The following GYS2 variants were observed in gnomAD, a reference collection of about 807,000 sequenced individuals.
GYS2 encodes the protein glycogen [starch] synthase, liver.
In GYS2, 80 loss-of-function variants were observed where a neutral mutation model predicts 85.6. The observed-to-expected ratio is 0.93, with a 90% confidence interval of 0.78 to 1.13. GYS2 has a LOEUF of 1.13. Among genes scored for constraint, GYS2 ranks in the 50% most tolerant of loss-of-function variants. The pLI is 0.00. For missense variants in GYS2, 881 were observed against 854.9 expected (o/e 1.03, Z -0.38); for synonymous variants, 328 against 300.7 (o/e 1.09, Z -0.94).
chr12:21,548,568 T>C (rs1944069448), intron 11 of GYS2, among the ~76,000 whole-genome samples: 1 of 152,196 alleles, frequency 6.6e-6, no homozygotes. Flanking sequence ...GCAATAGCTG[T>C]ATTTAAAACT....
intron 11 of GYS2, among the ~76,000 whole-genome samples, chr12:21,551,372 A>G (rs1208681437): frequency 6.6e-6 from 1 of 152,110 alleles, no homozygotes; most frequent in Non-Finnish European, 1.5e-5. Context: ...AACATTTTAT[A>G]TACTATAAAT....
intron 1 of GYS2, among the ~76,000 whole-genome samples, chr12:21,599,173 T>A (rs1321174151): frequency 6.6e-6 from 1 of 152,114 alleles, no homozygotes; most frequent in East Asian, 1.9e-4. Flanking sequence ...TTCACTATTT[T>A]GTATATGCTT....
chr12:21,549,889 A>G (rs1944086112), intron 11 of GYS2, among the ~76,000 whole-genome samples: 1 of 152,126 alleles, frequency 6.6e-6, no homozygotes. Flanking sequence ...CTTTGTTATT[A>G]ACAAGTATTG....
At chr12:21,568,451 T>G (rs1944348427) in intron 5 of GYS2, among the ~76,000 whole-genome samples, 1 of 152,152 alleles carries the variant, frequency 6.6e-6, no homozygotes, top group African/African-American at 2.4e-5. Context: ...ATAAGTAATA[T>G]AAAACGTTTC....
intron 11 of GYS2, among the ~76,000 whole-genome samples, chr12:21,554,259 G>A (rs1237052720): frequency 6.6e-6 from 1 of 151,968 alleles, no homozygotes; most frequent in Non-Finnish European, 1.5e-5. Context: ...AGGGAAGGAG[G>A]GAGGGAGGGA....
intron 11 of GYS2, among the ~76,000 whole-genome samples, chr12:21,552,922 C>T (rs754628072): frequency 2.0e-5 from 3 of 152,220 alleles, no homozygotes; most frequent in Non-Finnish European, 4.4e-5. Context: ...TCACCTCTCA[C>T]CAAACCCTAT....
At chr12:21,550,488 G>A (rs1166216960) in intron 11 of GYS2, among the ~76,000 whole-genome samples, 3 of 152,094 alleles carry the variant, frequency 2.0e-5, no homozygotes, top group Admixed American at 6.5e-5. Flanking sequence ...GCTTTAGGCT[G>A]CTCCTCTTTG....
At chr12:21,586,683 G>A (rs1274626867) in intron 1 of GYS2, among the ~76,000 whole-genome samples, 4 of 152,252 alleles carry the variant, frequency 2.6e-5, no homozygotes, top group Non-Finnish European at 4.4e-5. Flanking sequence ...GCAGATGTTG[G>A]TGAGGATGTG....
chr12:21,580,288 CT>C, intron 2 of GYS2, 53 bp downstream of exon 2: 3 of 1,467,554 alleles, frequency 2.0e-6, no homozygotes, highest in African/African-American at 1.4e-5. Flanking sequence ...TAGTTACAGT[CT>C]TTTTTCCCAT....
intron 7 of GYS2, among the ~76,000 whole-genome samples, 176 bp from the exon 8 acceptor site, chr12:21,560,668 A>G (rs1200708290): frequency 2.0e-5 from 3 of 152,236 alleles, no homozygotes; most frequent in Non-Finnish European, 4.4e-5. Flanking sequence ...AGAAATTTTA[A>G]TTAAAATCAA....
rs746442559 is a variant in GYS2, at chr12:21,546,444, G to C, written c.1449C>G (p.Ser483=). 4 of 1,598,424 alleles carry C rather than the reference G, an allele frequency of 2.5e-6. No homozygotes were observed. The East Asian group carries it at 6.7e-5, about 27-fold the overall frequency. Residue 483 remains serine (S), a synonymous_variant, in exon 12 of 16, where the codon TCC becomes TCG. Coordinates refer to ENST00000261195, the MANE Select transcript of GYS2 (RefSeq NM_021957.4). The part of the protein sequence containing the change: ...VKVILHPEFL[S]STSPLLPMDY... Reference sequence around the variant, plus strand: ...CCATGGGTAGTAAGGGACTGGTGGAGGATAGAAACTCTGGGTGCAAAATCA... The same window carrying C: ...CCATGGGTAGTAAGGGACTGGTGGACGATAGAAACTCTGGGTGCAAAATCA...
At chr12:21,553,792 A>T (rs931200000) in intron 11 of GYS2, among the ~76,000 whole-genome samples, 2 of 50,170 alleles carry the variant, frequency 4.0e-5, no homozygotes, top group African/African-American at 1.5e-4. Flanking sequence ...TTATACACAC[A>T]TATAACACAC....
At chr12:21,561,767 TA>T (rs1944255851) in intron 7 of GYS2, among the ~76,000 whole-genome samples, 1 of 152,232 alleles carries the variant, frequency 6.6e-6, no homozygotes, top group East Asian at 1.9e-4. Context: ...ATAATCTTTT[TA>T]GTCTTCAGTT....
chr12:21,574,009 T>C, intron 4 of GYS2, 135 bp downstream of exon 4: 1 of 727,050 alleles, frequency 1.4e-6, no homozygotes, highest in Admixed American at 2.0e-5. Context: ...GGAAGCTTTG[T>C]CATGAATATT....
intron 1 of GYS2, among the ~76,000 whole-genome samples, chr12:21,601,796 C>G (rs1451611041): frequency 6.6e-6 from 1 of 152,078 alleles, no homozygotes; most frequent in Non-Finnish European, 1.5e-5. Flanking sequence ...AACTCTATCT[C>G]CCTCGCCTCT....
At chr12:21,582,569 A>T (rs1944522420) in intron 1 of GYS2, among the ~76,000 whole-genome samples, 1 of 149,048 alleles carries the variant, frequency 6.7e-6, no homozygotes, top group South Asian at 2.2e-4. Context: ...TCTCATATAG[A>T]TATAGATATA....
intron 5 of GYS2, among the ~76,000 whole-genome samples, chr12:21,568,149 A>G (rs908001298): frequency 6.6e-6 from 1 of 152,054 alleles, no homozygotes; most frequent in Non-Finnish European, 1.5e-5. Context: ...TTTGCTTCTT[A>G]TAACAATTCA....
At chr12:21,550,831 C>T (rs1006118039) in intron 11 of GYS2, among the ~76,000 whole-genome samples, 1 of 152,046 alleles carries the variant, frequency 6.6e-6, no homozygotes, top group African/African-American at 2.4e-5. Context: ...GTCCCAGCTA[C>T]TCAGGAGGTT....
chr12:21,534,099 A>C (rs1366861527), downstream of GYS2, among the ~76,000 whole-genome samples: 1 of 152,200 alleles, frequency 6.6e-6, no homozygotes, highest in Non-Finnish European at 1.5e-5. Flanking sequence ...AGACGGGCCC[A>C]ACTTATGATG....
Sources: allele counts gnomAD v4.1 joint callset (sites outside exome capture counted in the v4.1 genomes callset), GRCh38; gene constraint gnomAD v4.1.1; transcripts MANE v1.5; gene names NCBI Gene and HGNC (gene_info 2026-07-23, HGNC 2026-07-21).